The following FCHO2 variants were observed in gnomAD, a reference collection of about 807,000 sequenced individuals.
FCHO2 encodes FCH and mu domain containing endocytic adaptor 2.
FCHO2 carries 43 observed loss-of-function variants against 114.1 expected under a neutral mutation model. That is an observed-to-expected ratio of 0.38 (90% confidence interval 0.30 to 0.49). FCHO2 has a LOEUF of 0.49. Among genes scored for constraint, FCHO2 ranks in the 20% least tolerant of loss-of-function variants. FCHO2 has a pLI of 0.97. For synonymous variants in FCHO2, 293 were observed against 315.2 expected (o/e 0.93, Z 0.75); for missense variants, 807 against 950.4 (o/e 0.85, Z 1.98).
intron 5 of FCHO2, chr5:72,997,157 C>T: frequency 9.0e-7 from 1 of 1,109,108 alleles, no homozygotes; most frequent in Non-Finnish European, 1.4e-6. Flanking sequence ...GGTCCTGAGG[C>T]TCACAGTCTG....
intron 7 of FCHO2, among the ~76,000 whole-genome samples, chr5:73,016,873 G>A (rs970442407): frequency 2.0e-5 from 3 of 152,156 alleles, no homozygotes; most frequent in Non-Finnish European, 2.9e-5. Flanking sequence ...GGGTGACAGA[G>A]TCAGACTGTG....
At chr5:73,073,541 G>A (rs1742763647) in intron 19 of FCHO2, among the ~76,000 whole-genome samples, 3 of 152,040 alleles carry the variant, frequency 2.0e-5, no homozygotes, top group Non-Finnish European at 4.4e-5. Context: ...ATACATAGTA[G>A]CTGTTGTGAT....
chr5:72,999,144 T>C (rs1472957886), intron 5 of FCHO2, among the ~76,000 whole-genome samples: 1 of 152,128 alleles, frequency 6.6e-6, no homozygotes, highest in Non-Finnish European at 1.5e-5. Context: ...TTTTTTCTAA[T>C]TGGTCTCCTC....
chr5:72,968,093 T>A (rs1248700642), intron 1 of FCHO2, among the ~76,000 whole-genome samples: 2 of 151,182 alleles, frequency 1.3e-5, no homozygotes, highest in East Asian at 1.9e-4. Flanking sequence ...CCCGGCTAAT[T>A]TTTTGTATTT....
chr5:73,052,684 T>C (rs1757394598), intron 13 of FCHO2, 177 bp downstream of exon 13: 1 of 558,896 alleles, frequency 1.8e-6, no homozygotes, highest in Non-Finnish European at 3.0e-6. Context: ...CTTTTGAAAG[T>C]AGAAAGTGAA....
At chr5:73,057,621 T>C (rs1050636616) in intron 16 of FCHO2, among the ~76,000 whole-genome samples, 1 of 152,156 alleles carries the variant, frequency 6.6e-6, no homozygotes, top group African/African-American at 2.4e-5. Context: ...CACTTTACCC[T>C]TTTTCTTCAT....
intron 2 of FCHO2, among the ~76,000 whole-genome samples, chr5:72,987,037 A>C (rs1477827283): frequency 6.6e-6 from 1 of 151,498 alleles, no homozygotes; most frequent in South Asian, 2.1e-4. Flanking sequence ...CACCAAGCCC[A>C]GCTAATTTTT....
chr5:73,068,905 CACCTGGAATT>C, intron 19 of FCHO2, 126 bp downstream of exon 19: 4 of 1,076,450 alleles, frequency 3.7e-6, no homozygotes, highest in South Asian at 4.0e-5. Context: ...TCTGGAAACA[CACCTGGAATT>C]TATTAAACTG....
intron 24 of FCHO2, among the ~76,000 whole-genome samples, chr5:73,083,369 T>TG (rs1743187498): frequency 6.6e-6 from 1 of 152,194 alleles, no homozygotes; most frequent in East Asian, 1.9e-4. Flanking sequence ...GTGTTCTCTA[T>TG]AAGAAAAAAT....
At chr5:72,956,202 G>A (rs1751522027) in intron 1 of FCHO2, 73 bp downstream of exon 1, 3 of 1,472,548 alleles carry the variant, frequency 2.0e-6, no homozygotes, top group African/African-American at 1.5e-5. Flanking sequence ...GCCTGCGTGC[G>A]CTTCGGGCGG....
At chr5:73,051,951 T>C (rs1307869795) in intron 12 of FCHO2, among the ~76,000 whole-genome samples, 1 of 152,042 alleles carries the variant, frequency 6.6e-6, no homozygotes, top group Non-Finnish European at 1.5e-5. Flanking sequence ...TGAGATGAAG[T>C]CTCACTCTGT....
chr5:73,029,332 A>C (rs552830970), intron 8 of FCHO2, among the ~76,000 whole-genome samples: 1 of 152,216 alleles, frequency 6.6e-6, no homozygotes, highest in African/African-American at 2.4e-5. Flanking sequence ...AGATGAAAAC[A>C]TGACTCAACC....
chr5:73,059,263 G>A (rs992875439), intron 17 of FCHO2, among the ~76,000 whole-genome samples: 1 of 152,140 alleles, frequency 6.6e-6, no homozygotes, highest in Non-Finnish European at 1.5e-5. Context: ...AATCATGCGG[G>A]AAGAACTTAA....
intron 6 of FCHO2, among the ~76,000 whole-genome samples, chr5:73,011,369 A>G (rs1210419903): frequency 6.6e-6 from 1 of 152,208 alleles, no homozygotes; most frequent in East Asian, 1.9e-4. Context: ...TTTTGGGATG[A>G]CATCTTAAAG....
chr5:73,044,504 A>G (rs1054492734), intron 11 of FCHO2, among the ~76,000 whole-genome samples: 14 of 152,202 alleles, frequency 9.2e-5, no homozygotes, highest in African/African-American at 3.1e-4. Flanking sequence ...CGGCCTATTC[A>G]TGGCTTCCTC....
chr5:72,997,639 C>T (rs1252538330), intron 5 of FCHO2: 1 of 1,472,020 alleles, frequency 6.8e-7, no homozygotes, highest in Non-Finnish European at 9.5e-7. Flanking sequence ...AGTATAGGTT[C>T]TGGTGACAGC....
intron 6 of FCHO2, among the ~76,000 whole-genome samples, chr5:73,011,027 G>A (rs962677858): frequency 6.6e-6 from 1 of 152,098 alleles, no homozygotes; most frequent in Non-Finnish European, 1.5e-5. Flanking sequence ...AATACTGTAG[G>A]CAGTTATAAC....
chr5:72,994,462 T>G (rs961533414), intron 5 of FCHO2, among the ~76,000 whole-genome samples: 1 of 152,146 alleles, frequency 6.6e-6, no homozygotes, highest in African/African-American at 2.4e-5. Flanking sequence ...AGAATGACTA[T>G]TATTAAAAAG....
At chr5:73,026,852 T>C (rs932263616) in intron 8 of FCHO2, among the ~76,000 whole-genome samples, 39 of 151,850 alleles carry the variant, frequency 2.6e-4, no homozygotes, top group African/African-American at 8.9e-4. Context: ...TCACCATACC[T>C]GGCTAATTTT....
Sources: gnomAD v4.1 joint callset for allele counts (sites outside exome capture counted in the v4.1 genomes callset) on GRCh38, gnomAD v4.1.1 for gene constraint, MANE v1.5 for transcripts, NCBI Gene and HGNC (gene_info 2026-07-23, HGNC 2026-07-21) for gene names.